BAG3: variants seen among roughly 807,000 people sequenced by gnomAD.
BAG3 encodes the protein BAG family molecular chaperone regulator 3.
BAG3 carries 14 observed loss-of-function variants against 40.5 expected under a neutral mutation model. That is an observed-to-expected ratio of 0.35 (90% CI 0.23 to 0.54). BAG3 has a LOEUF of 0.54. Among genes scored for constraint, BAG3 ranks in the 20% least tolerant of loss-of-function variants. The pLI, the probability that BAG3 is intolerant of heterozygous loss-of-function variation, is 0.91. For missense variants in BAG3, 788 were observed against 758.6 expected (o/e 1.04, Z -0.46); for synonymous variants, 302 against 307.8 (o/e 0.98, Z 0.20).
chr10:119,676,895 T>C lies in BAG3; in HGVS notation c.1341T>C (p.Thr447=). ...TAGACAACTTTGAAGGCAAGAAGACTGACAAAAAGTACCTGATGATCGAAG... is the reference window on the plus strand; with the variant it reads ...TAGACAACTTTGAAGGCAAGAAGACCGACAAAAAGTACCTGATGATCGAAG... ...QAVDNFEGKK[T]DKKYLMIEEY... The change falls in exon 4 of 4, where the codon ACT becomes ACC. Residue 447 remains threonine (T), a synonymous_variant. Transcript: ENST00000369085. 1 of 1,614,106 alleles carries C rather than the reference T, an allele frequency of 6.2e-7. No homozygotes were observed. The highest frequency in any genetic ancestry group is 8.5e-7 in the Non-Finnish European group (1 of 1,180,028).
At chr10:119,676,012 A>G (rs12572016) in intron 3 of BAG3, among the ~76,000 whole-genome samples, 95,317 of 136,150 alleles carry the variant, frequency 0.7, 33,514 homozygotes, top group Middle Eastern at 0.75. Flanking sequence ...TACAGCCTTG[A>G]ATTCCTGGGC....
rs1335289497 is a variant in BAG3 at position 119,677,196 on chromosome 10, G to C, written c.1642G>C (p.Glu548Gln). 6 of 1,614,022 alleles carry C rather than the reference G, an allele frequency of 3.7e-6. No individual in the cohort carries two copies. The highest frequency in any genetic ancestry group is 4.2e-6 in the Non-Finnish European group (5 of 1,180,048). Reference sequence around the variant, plus strand: ...TGGAAATGCAGAAGATCCCCACACAGAAACCCAGCAGCCAGAAGCCACAGC... The same window carrying C: ...TGGAAATGCAGAAGATCCCCACACACAAACCCAGCAGCCAGAAGCCACAGC... Reference protein sequence around the residue: ...NAGNAEDPHTETQQPEATAAA... With the variant: ...NAGNAEDPHTQTQQPEATAAA... The change falls in exon 4 of 4, where the codon GAA becomes CAA. Residue 548 changes from glutamate (E) to glutamine (Q), a missense_variant. Physicochemically the swap from Glu to Gln is conservative, Grantham distance 29 (BLOSUM62 2). Coordinates refer to ENST00000369085, the MANE Select transcript of BAG3 (RefSeq NM_004281.4).
In BAG3 at chr10:119,669,988, G is replaced by A; in HGVS notation, c.318G>A (p.Arg106=). ...IPVLHEGAEN[R]QVHPFHVYPQ... is the part of the protein sequence containing the mutation. ...TGCTCCATGAAGGCGCTGAGAACCGGCAGGTGCACCCTTTCCATGTCTATC... is the reference window on the plus strand; with the variant it reads ...TGCTCCATGAAGGCGCTGAGAACCGACAGGTGCACCCTTTCCATGTCTATC... Residue 106 remains arginine, a synonymous_variant, in exon 2 of 4, where the codon CGG becomes CGA. Coordinates refer to ENST00000369085, the MANE Select transcript of BAG3 (RefSeq NM_004281.4). The A allele has an allele frequency of 1.9e-6, 3 of 1,614,226 alleles. No homozygotes were observed. Among genetic ancestry groups the A allele is most frequent in the Non-Finnish European group, 2.5e-6 (3 of 1,180,038 alleles).
At chr10:119,652,654 A>G (rs899464729) in intron 1 of BAG3, among the ~76,000 whole-genome samples, 5 of 152,162 alleles carry the variant, frequency 3.3e-5, no homozygotes, top group Non-Finnish European at 5.9e-5. Context: ...AAAGAGAATG[A>G]TACGTGTATA....
At chr10:119,670,913 C>G (rs1428700935) in intron 2 of BAG3, among the ~76,000 whole-genome samples, 2 of 152,190 alleles carry the variant, frequency 1.3e-5, no homozygotes, top group Non-Finnish European at 2.9e-5. Context: ...TGTGTGCCAG[C>G]GTTGTTCCTG....
chr10:119,676,510 A>G lies in BAG3; in HGVS notation c.956A>G (p.Asn319Ser). The G allele has an allele frequency of 6.2e-7, 1 of 1,613,640 alleles. No homozygotes were observed. Among genetic ancestry groups the G allele is most frequent in the Non-Finnish European group, 8.5e-7 (1 of 1,179,924 alleles). ...RETAPVSQPE[N>S]KPESKPGPVG... ...ACTGCACCTGTTTCCCAGCCTGAAA[A>G]CAAACCAGAAAGTAAGCCAGGCCCA... is the stretch of plus-strand genomic sequence containing the variant. Residue 319 changes from asparagine to serine, a missense_variant, in exon 4 of 4, where the codon AAC (asparagine) becomes AGC (serine). Physicochemically the swap from Asn to Ser is conservative, Grantham distance 46. Coordinates refer to ENST00000369085, the MANE Select transcript of BAG3 (RefSeq NM_004281.4).
chr10:119,665,883 T>TG (rs1268562712), intron 1 of BAG3, among the ~76,000 whole-genome samples: 1 of 152,066 alleles, frequency 6.6e-6, no homozygotes, highest in Non-Finnish European at 1.5e-5. Context: ...AGGAGACACT[T>TG]GGTTTTTTAT....
In BAG3 at chr10:119,675,918, T is replaced by TCCC. The variant is rs1564776278; in HGVS notation, c.910-546_910-545insCCC. Among the ~76,000 whole-genome samples, 74 of 15,842 alleles carry TCCC rather than the reference T, an allele frequency of 4.7e-3. 1 individual carries two copies. The highest frequency in any genetic ancestry group is 7.0e-3 in the Non-Finnish European group (55 of 7,806). 10.4% of individuals were successfully genotyped at this position (15,842 alleles called of 152,430 possible). A position where few individuals can be genotyped will look rare whatever the true frequency, so the allele number is the denominator to read the frequency against. On this transcript the variant is annotated intron_variant, in intron 3 of 3. Coordinates refer to ENST00000369085, the MANE Select transcript of BAG3 (RefSeq NM_004281.4). The stretch of plus-strand genomic sequence containing the variant: ...CTTCCTTCCCCCCTTCCTTCCTTCC[T>TCCC]TCCTCCCTCCCTCCCTTCCTTCTTT...
At chr10:119,671,235 G>A (rs755295128) in intron 2 of BAG3, among the ~76,000 whole-genome samples, 5 of 152,126 alleles carry the variant, frequency 3.3e-5, no homozygotes, top group Non-Finnish European at 7.3e-5. Flanking sequence ...TTAAACCCAG[G>A]AGGCAGAGGT....
In BAG3 at chr10:119,676,741, C is replaced by A; in HGVS notation, c.1187C>A (p.Ala396Glu). Reference protein sequence around the residue: ...SPKSVATEERAAPSTAPAEAT... With the variant: ...SPKSVATEEREAPSTAPAEAT... ...AAGAGTGTGGCTACAGAAGAGAGGG[C>A]AGCCCCCAGCACTGCCCCTGCAGAA... The change falls in exon 4 of 4, where the codon GCA becomes GAA. Residue 396 changes from alanine (A) to glutamate (E), a missense_variant. Ala to Glu is a moderately radical substitution (Grantham distance 107). Transcript: ENST00000369085. 6.2e-7 allele frequency: 1 copy of A among 1,614,122 alleles called. No homozygotes were observed. The highest frequency in any genetic ancestry group is 8.5e-7 in the Non-Finnish European group (1 of 1,180,012).
chr10:119,666,578 G>A (rs196319), intron 1 of BAG3, among the ~76,000 whole-genome samples: 52,688 of 151,614 alleles, frequency 0.35, 9,299 homozygotes, highest in Middle Eastern at 0.41. Context: ...GGTGCTCAGC[G>A]AGATGCACGA....
intron 1 of BAG3, among the ~76,000 whole-genome samples, chr10:119,665,093 TGTGTGTGTGTGTGTG>T (rs1847042688): frequency 6.6e-5 from 1 of 15,158 alleles, no homozygotes. Flanking sequence ...AATTTTTGTT[TGTGTGTGTGTGTGTG>T]TGTGTGTGTG....
At chr10:119,669,304 A>G (rs572301796) in intron 1 of BAG3, among the ~76,000 whole-genome samples, 1 of 152,094 alleles carries the variant, frequency 6.6e-6, no homozygotes, top group East Asian at 1.9e-4. Flanking sequence ...CTTCCTGCAA[A>G]TTGTTCTAAC....
intron 3 of BAG3, among the ~76,000 whole-genome samples, chr10:119,675,812 C>CCCCCCTTCCTT (rs1847216219): frequency 1.7e-5 from 1 of 58,794 alleles, no homozygotes; most frequent in Admixed American, 1.8e-4. Flanking sequence ...TTCCCCCCTT[C>CCCCCCTTCCTT]CCTGCTTCCT....
intron 1 of BAG3, among the ~76,000 whole-genome samples, chr10:119,664,826 T>C (rs1489829088): frequency 3.9e-5 from 6 of 152,222 alleles, no homozygotes; most frequent in Admixed American, 6.5e-5. Flanking sequence ...TTGATTCTTT[T>C]ATTTACAAAA....
At chr10:119,658,534 C>G (rs1263861390) in intron 1 of BAG3, among the ~76,000 whole-genome samples, 2 of 152,230 alleles carry the variant, frequency 1.3e-5, no homozygotes, top group Non-Finnish European at 2.9e-5. Flanking sequence ...GTCTGAGCCT[C>G]AGCCGAGCGT....
Position 119,676,770 on chromosome 10 carries a change from ACACCTC to A in BAG3, c.1219_1224del (p.Pro407_Pro408del). 1 of 1,614,164 alleles carries A rather than the reference ACACCTC, an allele frequency of 6.2e-7. No homozygotes were observed. The highest frequency in any genetic ancestry group is 8.5e-7 in the Non-Finnish European group (1 of 1,180,036). ...CCCCAGCACTGCCCCTGCAGAAGCTACACCTCCAAAACCAGGAGAAGCCGAGGCTCC... is the reference window on the plus strand; with the variant it reads ...CCCCAGCACTGCCCCTGCAGAAGCTACAAAACCAGGAGAAGCCGAGGCTCC... On this transcript the variant is annotated inframe_deletion, in exon 4 of 4. Transcript: ENST00000369085.
intron 1 of BAG3, among the ~76,000 whole-genome samples, chr10:119,660,419 C>T (rs1846976980): frequency 6.6e-6 from 1 of 152,186 alleles, no homozygotes; most frequent in Non-Finnish European, 1.5e-5. Context: ...TGCTTCCAGG[C>T]TGTGAAACTT....
chr10:119,659,159 T>C (rs959950703), intron 1 of BAG3, among the ~76,000 whole-genome samples: 3 of 152,212 alleles, frequency 2.0e-5, no homozygotes, highest in Non-Finnish European at 4.4e-5. Flanking sequence ...CAGATGAAGC[T>C]GCGGGGCCTT....
Sources: allele counts gnomAD v4.1 joint callset (sites outside exome capture counted in the v4.1 genomes callset), GRCh38; gene constraint gnomAD v4.1.1; transcripts MANE v1.5; gene names NCBI Gene and HGNC (gene_info 2026-07-23, HGNC 2026-07-21).